TTN: variants seen among roughly 807,000 people sequenced by gnomAD.
TTN encodes the protein connectin.
TTN carries 1,525 observed loss-of-function variants against 3,223.0 expected under a neutral mutation model. That is an observed-to-expected ratio of 0.47 (90% CI 0.45 to 0.49). The LOEUF (loss-of-function observed/expected upper bound fraction) is 0.49, where lower values mean the gene tolerates loss of function less well. TTN is among the 20% of genes least tolerant of loss of function. The probability of loss-of-function intolerance (pLI) is 0.00; values close to 1 mark genes in which losing one functional copy is unlikely to be tolerated. For missense variants in TTN, 40,786 were observed against 43,424.0 expected, an observed-to-expected ratio of 0.94 and a Z score of 5.40; for synonymous variants, 14,094 against 15,161.0, an observed-to-expected ratio of 0.93 and a Z score of 5.17.
At position 178,704,698 on chromosome 2, in the gene TTN, A is replaced by T; in HGVS notation, c.29774T>A (p.Ile9925Asn). Reference sequence around the variant, plus strand: ...CGAAAGCTTGATTTCTGGATAATTAATTTTAATGTCAATTTCAAAGACAGC... The same window carrying T: ...CGAAAGCTTGATTTCTGGATAATTATTTTTAATGTCAATTTCAAAGACAGC... ...NDAVFEIDIK[I>N]NYPEIKLSWY... The change falls in exon 105 of 363, where the codon ATT (isoleucine) becomes AAT (asparagine). Residue 9925 changes from isoleucine (I) to asparagine (N), a missense_variant. Transcript: ENST00000589042. 1 of 1,611,636 alleles carries T rather than the reference A, an allele frequency of 6.2e-7. No individual in the cohort carries two copies. The highest frequency in any genetic ancestry group is 8.5e-7 in the Non-Finnish European group (1 of 1,179,116).
At position 178,704,291 on chromosome 2, in the gene TTN, T is replaced by G; in HGVS notation, c.30079A>C (p.Ile10027Leu). 1 of 1,614,032 alleles carries G rather than the reference T, an allele frequency of 6.2e-7. No homozygotes were observed. The highest frequency in any genetic ancestry group is 1.1e-5 in the South Asian group (1 of 91,088). Residue 10027 changes from isoleucine (I) to leucine (L), a missense_variant, in exon 106 of 363, where the codon ATC (isoleucine) becomes CTC (leucine). Coordinates refer to ENST00000589042, the MANE Select transcript of TTN (RefSeq NM_001267550.2). ...VKSEWFRNGR[I>L]LKPQGRHKTE... ...TTATGTCTACCTTGGGGTTTAAGGATTCTGCCATTTCTGAACCATTCAGAT... is the reference window on the plus strand; with the variant it reads ...TTATGTCTACCTTGGGGTTTAAGGAGTCTGCCATTTCTGAACCATTCAGAT...
At chr2:178,682,657 C>A in intron 135 of TTN, 40 bp downstream of exon 135, 1 of 1,529,414 alleles carries the variant, frequency 6.5e-7, no homozygotes, top group Admixed American at 2.0e-5. Flanking sequence ...TGAGTGTGCA[C>A]ATATTTAGTG....
chr2:178,790,704 T>C lies in TTN; in HGVS notation c.1800+4A>G, dbSNP rs998572909. 6.2e-7 allele frequency: 1 copy of C among 1,613,998 alleles called. No homozygotes were observed. Among genetic ancestry groups the C allele is most frequent in the Non-Finnish European group, 8.5e-7 (1 of 1,179,980 alleles). ...TGACTTTCACATTGGCAGGAAGTCA[T>C]CACCTTTTCATAACTTAGGTGCATT... On this transcript the variant is annotated splice_donor_region_variant and intron_variant, in intron 11 of 362. Coordinates refer to ENST00000589042, the MANE Select transcript of TTN (RefSeq NM_001267550.2).
chr2:178,805,753 T>C (rs537769169), intron 1 of TTN, among the ~76,000 whole-genome samples: 46 of 152,314 alleles, frequency 3.0e-4, no homozygotes, highest in Admixed American at 4.6e-4. Flanking sequence ...GTTCTTAATA[T>C]GGAACAATTT....
Position 178,734,607 on chromosome 2 carries a change from C to T in TTN, c.15218-1G>A. On this transcript the variant is annotated splice_acceptor_variant, in intron 51 of 362. Transcript: ENST00000589042. LOFTEE classifies it high-confidence loss of function. ...AGAGTTTTGATGAAAGAAGGAGGTTCTACAAAAGCATGAAAGCATTGTGTA... is the reference window on the plus strand; with the variant it reads ...AGAGTTTTGATGAAAGAAGGAGGTTTTACAAAAGCATGAAAGCATTGTGTA... 6.4e-7 allele frequency: 1 copy of T among 1,562,824 alleles called. No homozygotes were observed. Among genetic ancestry groups the T allele is most frequent in the Non-Finnish European group, 8.7e-7 (1 of 1,155,876 alleles).
At chr2:178,774,147 T>C (rs1305765175) in intron 30 of TTN, 37 bp from the exon 31 acceptor site, 1 of 1,613,938 alleles carries the variant, frequency 6.2e-7, no homozygotes, top group Non-Finnish European at 8.5e-7. Context: ...GTTATGATCA[T>C]TTTTTATCAA....
rs794729255 is a variant in TTN at position 178,702,163 on chromosome 2, C to T, written c.30511+5G>A. On this transcript the variant is annotated splice_donor_5th_base_variant and intron_variant, in intron 108 of 362. Coordinates refer to ENST00000589042, the MANE Select transcript of TTN (RefSeq NM_001267550.2). ...CAGGGTGGCTTTCTGATGGCGCTAC[C>T]TCACCTTTCGTCGTTAGGTACAGCT... 3 of 1,613,892 alleles carry T rather than the reference C, an allele frequency of 1.9e-6. No individual in the cohort carries two copies. The highest frequency in any genetic ancestry group is 4.5e-5 in the East Asian group (2 of 44,882).
Position 178,553,136 on chromosome 2 carries a change from T to C in TTN, c.89764A>G (p.Lys29922Glu), listed in dbSNP as rs972775598. 1.2e-6 allele frequency: 2 copies of C among 1,612,524 alleles called. No individual in the cohort carries two copies. Among genetic ancestry groups the C allele is most frequent in the African/African-American group, 1.3e-5 (1 of 74,916 alleles). Residue 29922 changes from lysine (K) to glutamate (E), a missense_variant, in exon 335 of 363, where the codon AAG becomes GAG. Coordinates refer to ENST00000589042, the MANE Select transcript of TTN (RefSeq NM_001267550.2). ...ACTTTAACACTCACAGTTGAAGACT[T>C]AGGTTCACCAACTCCATTTTCTATT... ...LTIENGVGEP[K>E]SSTVSVKVLD...
chr2:178,671,964 C>T lies in TTN; in HGVS notation c.35227+7G>A. On this transcript the variant is annotated splice_region_variant and intron_variant, in intron 155 of 362. Coordinates refer to ENST00000589042, the MANE Select transcript of TTN (RefSeq NM_001267550.2). ...AGAATTTGTAGTATTTGAAGAATTC[C>T]CTATACCTTTAGGTGGAGCTTTTGG... 1 of 1,589,484 alleles carries T rather than the reference C, an allele frequency of 6.3e-7. No homozygotes were observed. The highest frequency in any genetic ancestry group is 1.7e-4 in the Middle Eastern group (1 of 5,956).
chr2:178,592,369 A>C lies in TTN; in HGVS notation c.59626+10T>G, dbSNP rs1576122744. The stretch of plus-strand genomic sequence containing the variant: ...TTTATTTTTAATGGCCTAAGTAGTA[A>C]AATTCTTACCTAATACAAGTACTTT... On this transcript the variant is annotated intron_variant, in intron 301 of 362. Coordinates refer to ENST00000589042, the MANE Select transcript of TTN (RefSeq NM_001267550.2). 1 of 1,607,940 alleles carries C rather than the reference A, an allele frequency of 6.2e-7. No individual in the cohort carries two copies. The highest frequency in any genetic ancestry group is 8.5e-7 in the Non-Finnish European group (1 of 1,178,390).
Position 178,572,581 on chromosome 2 carries a change from G to A in TTN, c.73551C>T (p.Leu24517=), listed in dbSNP as rs1708627219. ...SKSAFVNVRV[L]DTPGPPQDLK... is the part of the protein sequence containing the mutation. ...GATCCTGTGGGGGGCCTGGTGTATC[G>A]AGAACTCTAACATTGACAAATGCAG... The change falls in exon 326 of 363, where the codon CTC becomes CTT. Residue 24517 remains leucine, a synonymous_variant. Transcript: ENST00000589042. 8 of 1,613,324 alleles carry A rather than the reference G, an allele frequency of 5.0e-6. No homozygotes were observed. The highest frequency in any genetic ancestry group is 6.8e-6 in the Non-Finnish European group (8 of 1,179,576).
Position 178,704,579 on chromosome 2 carries a change from G to A in TTN, c.29893C>T (p.Leu9965Phe). ...RHTLRVKNCQ[L>F]KDQGNYRLVC... ...AATCGATAATTGCCCTGGTCTTTAAGTTGACAGTTTTTGACTCTGAGTGTA... is the reference window on the plus strand; with the variant it reads ...AATCGATAATTGCCCTGGTCTTTAAATTGACAGTTTTTGACTCTGAGTGTA... Residue 9965 changes from leucine (L) to phenylalanine (F), a missense_variant, in exon 105 of 363, where the codon CTT becomes TTT. Leu to Phe is a conservative substitution (Grantham distance 22). Transcript: ENST00000589042. The A allele has an allele frequency of 4.3e-6, 7 of 1,613,520 alleles. No homozygotes were observed. The highest frequency in any genetic ancestry group is 5.9e-6 in the Non-Finnish European group (7 of 1,179,608).
At position 178,735,949 on chromosome 2, in the gene TTN, C is replaced by T. The variant is rs1366438638; in HGVS notation, c.14497G>A (p.Ala4833Thr). The T allele has an allele frequency of 6.2e-7, 1 of 1,613,744 alleles. No individual in the cohort carries two copies. The highest frequency in any genetic ancestry group is 8.5e-7 in the Non-Finnish European group (1 of 1,179,824). ...CAGTTAGGTGAAGGTGAGAGTGCAG[C>T]ACCATCTTTCTGCCAAATGGTTTCT... ...VIETIWQKDGAALSPSPNWRI... is the reference protein window; with the variant it reads ...VIETIWQKDGTALSPSPNWRI... Residue 4833 changes from alanine (A) to threonine (T), a missense_variant, in exon 50 of 363, where the codon GCT (alanine) becomes ACT (threonine). Physicochemically the swap from Ala to Thr is moderately conservative, Grantham distance 58. Transcript: ENST00000589042.
rs778885931 is a variant in TTN at position 178,610,167 on chromosome 2, C to T, written c.51359G>A (p.Arg17120His). Residue 17120 changes from arginine (R) to histidine (H), a missense_variant, in exon 271 of 363, where the codon CGT becomes CAT. By Grantham distance (29) the Arg-to-His change is conservative. Transcript: ENST00000589042. Reference sequence around the variant, plus strand: ...ACCAACCTTGTTGACTGCTTTAACACGGAAGAAGTATTCACCATTTGGTAT... The same window carrying T: ...ACCAACCTTGTTGACTGCTTTAACATGGAAGAAGTATTCACCATTTGGTAT... Reference protein sequence around the residue: ...DLIPNGEYFFRVKAVNKVGGG... With the variant: ...DLIPNGEYFFHVKAVNKVGGG... The T allele has an allele frequency of 3.3e-5, 53 of 1,612,904 alleles. No individual in the cohort carries two copies. The highest frequency in any genetic ancestry group is 1.5e-4 in the Admixed American group (9 of 59,936).
chr2:178,794,325 A>C (rs2093658568), intron 8 of TTN, 74 bp downstream of exon 8: 1 of 1,600,376 alleles, frequency 6.2e-7, no homozygotes, highest in East Asian at 2.2e-5. Flanking sequence ...TGCCAAGCTC[A>C]GTGGATGGTG....
Position 178,611,636 on chromosome 2 carries a change from C to T in TTN, c.50593G>A (p.Gly16865Arg), listed in dbSNP as rs1191765707. The change falls in exon 269 of 363, where the codon GGG (glycine) becomes AGG (arginine). Residue 16865 changes from glycine to arginine, a missense_variant. Transcript: ENST00000589042. ...CAAGCAATGGCAATGTGTTTTCTCC[C>T]AGCATCAGTCACATGTAGGTCAAGG... is the stretch of plus-strand genomic sequence containing the variant. ...PPLDLHVTDAGRKHIAIAWKP... is the reference protein window; with the variant it reads ...PPLDLHVTDARRKHIAIAWKP... The T allele has an allele frequency of 4.3e-6, 7 of 1,613,036 alleles. No individual in the cohort carries two copies. In the East Asian group the frequency reaches 1.6e-4, roughly 36 times the overall value.
At chr2:178,692,314 C>A (rs142318410) in intron 120 of TTN, among the ~76,000 whole-genome samples, 183 bp downstream of exon 120, 251 of 152,114 alleles carry the variant, frequency 1.7e-3, no homozygotes, top group African/African-American at 5.9e-3. Flanking sequence ...TTAGCGTGAT[C>A]TGGAGTTTAG....
chr2:178,598,720 A>T (rs748617135), intron 291 of TTN, 28 bp downstream of exon 291: 8 of 1,593,478 alleles, frequency 5.0e-6, no homozygotes, highest in East Asian at 2.3e-5. Context: ...AATAAGATTT[A>T]AAAAAAAGGA....
chr2:178,721,797 T>G, intron 78 of TTN, 50 bp downstream of exon 78: 1 of 1,434,294 alleles, frequency 7.0e-7, no homozygotes, highest in South Asian at 1.9e-5. Flanking sequence ...ATAAGACAAT[T>G]ATGCAAATAT....
Sources: allele counts gnomAD v4.1 joint callset (sites outside exome capture counted in the v4.1 genomes callset), GRCh38; gene constraint gnomAD v4.1.1; transcripts MANE v1.5; gene names NCBI Gene and HGNC (gene_info 2026-07-23, HGNC 2026-07-21).